The following CFAP299 variants were observed in gnomAD, a reference collection of about 807,000 sequenced individuals.
CFAP299 encodes the protein cilia and flagella associated protein 299, also known as cilia- and flagella-associated protein 299.
CFAP299 carries 21 observed loss-of-function variants against 27.0 expected under a neutral mutation model. The observed-to-expected ratio is 0.78, with a 90% CI of 0.55 to 1.12. CFAP299 has a LOEUF of 1.12. Among genes scored for constraint, CFAP299 ranks in the 50% most tolerant of loss-of-function variants. The pLI is 0.00. For missense variants in CFAP299, 310 were observed against 276.6 expected, an observed-to-expected ratio of 1.12 and a Z score of -0.86; for synonymous variants, 104 against 98.1, an observed-to-expected ratio of 1.06 and a Z score of -0.36.
chr4:80,396,290 G>A (rs987346992), intron 2 of CFAP299, among the ~76,000 whole-genome samples: 4 of 152,098 alleles, frequency 2.6e-5, no homozygotes, highest in Non-Finnish European at 5.9e-5. Context: ...AATAGGGAGA[G>A]GTGTCAGGAG....
intron 2 of CFAP299, among the ~76,000 whole-genome samples, chr4:80,440,289 C>T (rs1270648866): frequency 6.6e-6 from 1 of 151,376 alleles, no homozygotes; most frequent in South Asian, 2.1e-4. Context: ...CGACAGACAC[C>T]TCATACAGGA....
chr4:80,423,295 T>C (rs538167966), intron 2 of CFAP299, among the ~76,000 whole-genome samples: 5 of 152,352 alleles, frequency 3.3e-5, no homozygotes, highest in African/African-American at 9.6e-5. Context: ...TATTTTAAGA[T>C]GTATTTTAGA....
In CFAP299 at chr4:80,677,025, G is replaced by A. The variant is rs183720216; in HGVS notation, c.333+93842G>A. 3.0e-3 allele frequency among the ~76,000 whole-genome samples: 454 copies of A among 151,692 alleles called. 2 individuals are homozygous for A. In the Middle Eastern group the frequency reaches 0.031, roughly 10 times the overall value. On this transcript the variant is annotated intron_variant, in intron 3 of 5. Transcript: ENST00000358105. ...GTTCTTGCTTTTCTAAATTCTTTGA[G>A]GTTCATCATTAGGTTGTTTATTTGA...
intron 3 of CFAP299, among the ~76,000 whole-genome samples, chr4:80,772,330 T>C (rs1726266823): frequency 6.6e-6 from 1 of 152,052 alleles, no homozygotes; most frequent in Non-Finnish European, 1.5e-5. Flanking sequence ...TCTTATCACT[T>C]TATGGGCTAC....
At chr4:80,564,974 G>A (rs1306055368) in intron 2 of CFAP299, among the ~76,000 whole-genome samples, 10 of 151,906 alleles carry the variant, frequency 6.6e-5, no homozygotes, top group South Asian at 2.1e-4. Flanking sequence ...TCTCTATAAC[G>A]AAAACTATGA....
upstream of CFAP299, among the ~76,000 whole-genome samples, chr4:80,332,475 C>T (rs1721976569): frequency 6.6e-6 from 1 of 152,008 alleles, no homozygotes; most frequent in Admixed American, 6.6e-5. Context: ...GGAGATTGAA[C>T]CTGTGTAGTG....
intron 2 of CFAP299, among the ~76,000 whole-genome samples, chr4:80,484,372 C>T (rs1159360446): frequency 6.6e-6 from 1 of 152,046 alleles, no homozygotes; most frequent in Non-Finnish European, 1.5e-5. Flanking sequence ...TATAACCTGG[C>T]GGTTAGCAAT....
intron 2 of CFAP299, among the ~76,000 whole-genome samples, chr4:80,511,135 G>A (rs1732277951): frequency 6.6e-6 from 1 of 152,136 alleles, no homozygotes; most frequent in African/African-American, 2.4e-5. Context: ...CTGGGTTCAA[G>A]TCCTGCTGCT....
At chr4:80,347,765 G>T (rs1560523764) in intron 1 of CFAP299, among the ~76,000 whole-genome samples, 1 of 152,102 alleles carries the variant, frequency 6.6e-6, no homozygotes, top group Non-Finnish European at 1.5e-5. Context: ...ATTCTTCACA[G>T]AATTAAAAGA....
chr4:80,634,452 T>G (rs1473273123), intron 3 of CFAP299, among the ~76,000 whole-genome samples: 2 of 145,758 alleles, frequency 1.4e-5, no homozygotes, highest in African/African-American at 5.1e-5. Flanking sequence ...TACCTCAGAG[T>G]GTCATTTCAT....
chr4:80,959,890 G>T (rs990169068), intron 5 of CFAP299, among the ~76,000 whole-genome samples: 6 of 151,920 alleles, frequency 3.9e-5, no homozygotes, highest in African/African-American at 1.4e-4. Flanking sequence ...AAATAATAAT[G>T]AGTTAACAAT....
Position 80,720,218 on chromosome 4 carries a change from A to G in CFAP299, c.333+137035A>G, listed in dbSNP as rs78031969. On this transcript the variant is annotated intron_variant, in intron 3 of 5. Transcript: ENST00000358105. The stretch of plus-strand genomic sequence containing the variant: ...CCCCCCCTCAAGAACTGAGCTGAGT[A>G]TCAGTGATACGTAAGAATAACTTAC... Among the ~76,000 whole-genome samples, 774 of 152,348 alleles carry G rather than the reference A, an allele frequency of 5.1e-3. 4 individuals carry two copies. Among genetic ancestry groups the G allele is most frequent in the Non-Finnish European group, 8.1e-3 (550 of 68,030 alleles).
At chr4:80,538,291 C>A (rs1207297752) in intron 2 of CFAP299, among the ~76,000 whole-genome samples, 1 of 151,628 alleles carries the variant, frequency 6.6e-6, no homozygotes, top group African/African-American at 2.4e-5. Flanking sequence ...CTTTTAAGCT[C>A]AGTGTTATTT....
At chr4:80,881,689 G>A (rs1480433123) in intron 4 of CFAP299, among the ~76,000 whole-genome samples, 1 of 152,050 alleles carries the variant, frequency 6.6e-6, no homozygotes, top group Non-Finnish European at 1.5e-5. Flanking sequence ...AACCTACAAG[G>A]AATATGAAGA....
intron 3 of CFAP299, among the ~76,000 whole-genome samples, chr4:80,701,941 T>C (rs966432607): frequency 2.0e-5 from 3 of 151,858 alleles, no homozygotes; most frequent in African/African-American, 7.2e-5. Context: ...TTTATGTTCT[T>C]TGTATGTGGC....
chr4:80,877,038 G>T, intron 4 of CFAP299, among the ~76,000 whole-genome samples: 1 of 152,064 alleles, frequency 6.6e-6, no homozygotes, highest in East Asian at 1.9e-4. Context: ...TGTCCCCACA[G>T]CTTTGTGTGT....
At chr4:80,525,323 A>T (rs756755779) in intron 2 of CFAP299, among the ~76,000 whole-genome samples, 1 of 152,112 alleles carries the variant, frequency 6.6e-6, no homozygotes, top group Non-Finnish European at 1.5e-5. Flanking sequence ...AAATTATTCC[A>T]TCATGCAACG....
chr4:80,378,386 G>A (rs926051883), intron 2 of CFAP299, among the ~76,000 whole-genome samples: 4 of 151,522 alleles, frequency 2.6e-5, no homozygotes, highest in Non-Finnish European at 4.4e-5. Flanking sequence ...TATCTAATTT[G>A]TATGCTTTTA....
chr4:80,386,488 C>T (rs1725003299), intron 2 of CFAP299: 104 of 1,547,536 alleles, frequency 6.7e-5, no homozygotes, highest in Non-Finnish European at 9.0e-5. Context: ...CGGCGCGGGG[C>T]TGCCCTCTTC....
Sources: gnomAD v4.1 joint callset for allele counts (sites outside exome capture counted in the v4.1 genomes callset) on GRCh38, gnomAD v4.1.1 for gene constraint, MANE v1.5 for transcripts, NCBI Gene and HGNC (gene_info 2026-07-23, HGNC 2026-07-21) for gene names.